Variants in YARS1 observed in about 807,000 individuals in gnomAD.
The protein encoded by YARS1 is tyrosine--tRNA ligase, cytoplasmic.
In YARS1, 36 loss-of-function variants were observed where a neutral mutation model predicts 62.2. The observed-to-expected ratio is 0.58, with a 90% confidence interval of 0.44 to 0.76. YARS1 has a LOEUF of 0.76. Among genes scored for constraint, YARS1 ranks in the 30% least tolerant of loss-of-function variants. YARS1 has a pLI of 0.00. For missense variants in YARS1, 524 were observed against 639.8 expected (o/e 0.82, Z 1.95); for synonymous variants, 234 against 244.9 (o/e 0.96, Z 0.42).
chr1:32,806,363 C>T, intron 4 of YARS1, 119 bp downstream of exon 4: 2 of 1,550,604 alleles, frequency 1.3e-6, no homozygotes, highest in Non-Finnish European at 1.8e-6. Context: ...TGCCACACAC[C>T]TTCAATTTGT....
rs1424726981 is a variant in YARS1, at chr1:32,784,521, T to C, written c.906+1841A>G. On this transcript the variant is annotated intron_variant, in intron 8 of 12. Transcript: ENST00000373477. ...TGGAATTCCTCATACATCATGCTGC[T>C]TCATCCTACCATGTCTTTGTACAAC... is the stretch of plus-strand genomic sequence containing the variant. Among the ~76,000 whole-genome samples, 5 of 152,272 alleles carry C rather than the reference T, an allele frequency of 3.3e-5. No homozygotes were observed. In the East Asian group the frequency reaches 9.6e-4, roughly 29 times the overall value.
intron 4 of YARS1, among the ~76,000 whole-genome samples, chr1:32,803,796 T>G (rs1355850412): frequency 6.6e-6 from 1 of 151,976 alleles, no homozygotes; most frequent in African/African-American, 2.4e-5. Flanking sequence ...AGAGGGGGAT[T>G]TGGCAGGGTC....
At position 32,817,205 on chromosome 1, in the gene YARS1, T is replaced by A. The variant is rs763337272; in HGVS notation, c.40A>T (p.Ile14Phe). The A allele has an allele frequency of 5.8e-5, 94 of 1,614,026 alleles. No individual in the cohort carries two copies. Among genetic ancestry groups the A allele is most frequent in the Non-Finnish European group, 7.7e-5 (91 of 1,180,008 alleles). Residue 14 changes from isoleucine to phenylalanine, a missense_variant, in exon 1 of 13, where the codon ATC (isoleucine) becomes TTC (phenylalanine). Transcript: ENST00000373477. ...APSPEEKLHLITRNLQEVLGE... is the reference protein window; with the variant it reads ...APSPEEKLHLFTRNLQEVLGE... ...GGCCTGACCTGCAGGTTCCGGGTGA[T>A]AAGGTGCAGTTTCTCTTCAGGGCTG...
At chr1:32,806,350 G>T (rs1223365746) in intron 4 of YARS1, 132 bp downstream of exon 4, 4 of 1,428,712 alleles carry the variant, frequency 2.8e-6, no homozygotes, top group East Asian at 2.3e-5. Flanking sequence ...CTGTACACAG[G>T]GTTGCCACAC....
At chr1:32,795,736 G>T (rs1653561524) in intron 5 of YARS1, among the ~76,000 whole-genome samples, 1 of 151,066 alleles carries the variant, frequency 6.6e-6, no homozygotes, top group Non-Finnish European at 1.5e-5. Context: ...AACCCAAGAG[G>T]CAGAGGTTGC....
At chr1:32,809,870 C>A (rs185425363) in intron 3 of YARS1, among the ~76,000 whole-genome samples, 2 of 152,162 alleles carry the variant, frequency 1.3e-5, no homozygotes, top group South Asian at 4.1e-4. Flanking sequence ...CTTTGGGAGA[C>A]CGAGGTGGGC....
rs1274599210 is a variant in YARS1 at position 32,797,041 on chromosome 1, TATATATATAG to T, written c.591+712_591+721del. On this transcript the variant is annotated intron_variant, in intron 5 of 12. Coordinates refer to ENST00000373477, the MANE Select transcript of YARS1 (RefSeq NM_003680.4). ...ATATATATATATATATATATATATA[TATATATATAG>T]TAAGCATTTCTGTATTCATTAACTA... is the stretch of plus-strand genomic sequence containing the variant. Among the ~76,000 whole-genome samples the T allele has an allele frequency of 5.6e-4, 41 of 72,604 alleles. 1 individual carries two copies. Among genetic ancestry groups the T allele is most frequent in the African/African-American group, 2.5e-3 (41 of 16,232 alleles). 47.6% of individuals were successfully genotyped at this position (72,604 alleles called of 152,430 possible). A position where few individuals can be genotyped will look rare whatever the true frequency, so the allele number is the denominator to read the frequency against.
chr1:32,810,794 A>T, intron 2 of YARS1, 28 bp from the exon 3 acceptor site: 1 of 1,614,144 alleles, frequency 6.2e-7, no homozygotes, highest in African/African-American at 1.3e-5. Flanking sequence ...GGCCACCAAA[A>T]TGTGAATTTG....
chr1:32,777,426 C>T (rs1652903266), intron 12 of YARS1, among the ~76,000 whole-genome samples: 1 of 152,208 alleles, frequency 6.6e-6, no homozygotes, highest in African/African-American at 2.4e-5. Context: ...GCCTGGCCAA[C>T]ATGGTGAAAC....
chr1:32,804,944 T>C (rs971429543), intron 4 of YARS1, among the ~76,000 whole-genome samples: 7 of 152,012 alleles, frequency 4.6e-5, no homozygotes, highest in African/African-American at 9.7e-5. Context: ...CTGGGCAACA[T>C]TGAGCACTGA....
chr1:32,809,233 T>C (rs560399458), intron 3 of YARS1, among the ~76,000 whole-genome samples: 1 of 152,158 alleles, frequency 6.6e-6, no homozygotes. Flanking sequence ...ATTACAGGTG[T>C]ATGCCACCAC....
At chr1:32,800,364 AC>A (rs1026025548) in intron 4 of YARS1, among the ~76,000 whole-genome samples, 3 of 151,994 alleles carry the variant, frequency 2.0e-5, no homozygotes, top group Non-Finnish European at 2.9e-5. Flanking sequence ...AAAGGGCTAG[AC>A]GTGTTGGCTT....
intron 5 of YARS1, among the ~76,000 whole-genome samples, chr1:32,796,996 ATATATATATATATATATATATATATATAT>A (rs1427414175): frequency 1.4e-3 from 3 of 2,148 alleles, no homozygotes; most frequent in African/African-American, 1.9e-3. Flanking sequence ...AAAAAAAAAA[ATATATATATATATATATATATATATATAT>A]ATATATATAT....
intron 6 of YARS1, among the ~76,000 whole-genome samples, chr1:32,788,671 T>C (rs749035514): frequency 3.3e-5 from 5 of 152,096 alleles, no homozygotes; most frequent in Non-Finnish European, 7.4e-5. Flanking sequence ...CCTTAGGTGA[T>C]TCACCCGCCT....
At chr1:32,786,903 C>T in intron 7 of YARS1, 37 bp downstream of exon 7, 1 of 1,613,616 alleles carries the variant, frequency 6.2e-7, no homozygotes, top group Non-Finnish European at 8.5e-7. Flanking sequence ...CTTTTCTATT[C>T]TAGCCTGGCC....
At chr1:32,792,024 T>C (rs1036389187) in intron 5 of YARS1, among the ~76,000 whole-genome samples, 2 of 151,870 alleles carry the variant, frequency 1.3e-5, no homozygotes, top group African/African-American at 4.8e-5. Context: ...AGGCTAGGGA[T>C]TGGGATGGGT....
chr1:32,817,039 G>T, intron 1 of YARS1, 149 bp downstream of exon 1: 1 of 996,536 alleles, frequency 1.0e-6, no homozygotes, highest in South Asian at 1.3e-5. Context: ...TTGACTGACC[G>T]ACCAGCAGTG....
At chr1:32,778,736 CTTTTTTTTTT>C (rs67504155) in intron 12 of YARS1, among the ~76,000 whole-genome samples, 4 of 120,070 alleles carry the variant, frequency 3.3e-5, no homozygotes, top group South Asian at 2.6e-4. Flanking sequence ...CTTTTCTTTT[CTTTTTTTTTT>C]TTTTTTTTTG....
At chr1:32,797,300 C>A (rs1336689019) in intron 5 of YARS1, among the ~76,000 whole-genome samples, 2 of 151,602 alleles carry the variant, frequency 1.3e-5, no homozygotes, top group African/African-American at 4.8e-5. Flanking sequence ...TGAGCCCAGG[C>A]TGTCGAGGCT....
Sources: gnomAD v4.1 joint callset for allele counts (sites outside exome capture counted in the v4.1 genomes callset) on GRCh38, gnomAD v4.1.1 for gene constraint, MANE v1.5 for transcripts, NCBI Gene and HGNC (gene_info 2026-07-23, HGNC 2026-07-21) for gene names.